Variants in NFIB observed in about 807,000 individuals in gnomAD.
NFIB encodes nuclear factor 1 B-type.
A neutral mutation model predicts 61.5 loss-of-function variants in NFIB; 11 were observed. The observed-to-expected ratio is 0.18, with a 90% CI of 0.11 to 0.30. The LOEUF (loss-of-function observed/expected upper bound fraction) is 0.30. Ranked by LOEUF, NFIB falls within the 10% of genes least tolerant of loss-of-function variation. The pLI, the probability that NFIB is intolerant of heterozygous loss-of-function variation, is 1.00. For synonymous variants in NFIB, 260 were observed against 216.5 expected, an observed-to-expected ratio of 1.20 and a Z score of -1.76; for missense variants, 471 against 608.9, an observed-to-expected ratio of 0.77 and a Z score of 2.38.
intron 2 of NFIB, among the ~76,000 whole-genome samples, chr9:14,248,536 C>G (rs1293013210): frequency 1.3e-5 from 2 of 152,072 alleles, no homozygotes; most frequent in Non-Finnish European, 2.9e-5. Flanking sequence ...CTCCCCAAAT[C>G]CTGGGATTAC....
chr9:14,100,611 G>A (rs1296308951), intron 10 of NFIB, among the ~76,000 whole-genome samples: 2 of 152,212 alleles, frequency 1.3e-5, no homozygotes, highest in African/African-American at 4.8e-5. Context: ...GGAGGGGGCT[G>A]AGGCAGGCAG....
chr9:14,493,826 A>T, the NFIB span, among the ~76,000 whole-genome samples: 1 of 152,222 alleles, frequency 6.6e-6, no homozygotes. Flanking sequence ...CCTTGTAGGT[A>T]AAGGTTGTTT....
chr9:14,292,239 CTCAGT>C (rs1201558857), intron 2 of NFIB, among the ~76,000 whole-genome samples: 1 of 152,108 alleles, frequency 6.6e-6, no homozygotes, highest in Non-Finnish European at 1.5e-5. Context: ...CTCTCTTAGA[CTCAGT>C]ATCCCAAACT....
At chr9:14,495,876 T>C in the NFIB span, among the ~76,000 whole-genome samples, 10 of 152,350 alleles carry the variant, frequency 6.6e-5, no homozygotes, top group African/African-American at 2.4e-4. Flanking sequence ...CCAGAAATTA[T>C]GGTTTAGTGA....
At chr9:14,372,577 T>C (rs902006996) in intron 1 of NFIB, among the ~76,000 whole-genome samples, 1 of 152,208 alleles carries the variant, frequency 6.6e-6, no homozygotes, top group African/African-American at 2.4e-5. Context: ...ATTCTCTAAT[T>C]ACAGTAAGAG....
At chr9:14,322,331 A>ATGTGTG (rs1491120649) in intron 1 of NFIB, 144 of 224,910 alleles carry the variant, frequency 6.4e-4, no homozygotes, top group African/African-American at 3.0e-3. Flanking sequence ...GCGTGTGTGC[A>ATGTGTG]TGTATGTGTG....
At chr9:14,449,652 G>A in the NFIB span, among the ~76,000 whole-genome samples, 8 of 152,230 alleles carry the variant, frequency 5.3e-5, no homozygotes, top group Middle Eastern at 3.4e-3. Flanking sequence ...TTTCTCGACC[G>A]GGTACAGTGG....
intron 1 of NFIB, among the ~76,000 whole-genome samples, chr9:14,389,646 C>G (rs2061596091): frequency 6.6e-6 from 1 of 152,118 alleles, no homozygotes. Context: ...AAAAGTTACT[C>G]TTTCCCTGCC....
the NFIB span, among the ~76,000 whole-genome samples, chr9:14,443,469 A>G: frequency 6.6e-6 from 1 of 151,878 alleles, no homozygotes; most frequent in African/African-American, 2.4e-5. Context: ...CTTCCACATC[A>G]CCTATCTCAG....
intron 10 of NFIB, among the ~76,000 whole-genome samples, chr9:14,106,644 T>C (rs2036601233): frequency 2.0e-5 from 3 of 152,102 alleles, no homozygotes; most frequent in Admixed American, 6.6e-5. Context: ...ACACCTAAGA[T>C]TTGGATCATT....
chr9:14,251,313 T>C (rs1466409916), intron 2 of NFIB, among the ~76,000 whole-genome samples: 2 of 152,204 alleles, frequency 1.3e-5, no homozygotes, highest in Non-Finnish European at 2.9e-5. Context: ...GCTAAAGAGT[T>C]AATCTTTAGC....
chr9:14,113,011 T>G lies in NFIB; in HGVS notation c.1455A>C (p.Leu485=). Residue 485 remains leucine, a synonymous_variant, in exon 10 of 11, where the codon CTA becomes CTC. Coordinates refer to ENST00000380953, the MANE Select transcript of NFIB (RefSeq NM_001190737.2). ...VGLSPRDPSF[L]HQQQSWYLG is the part of the protein sequence containing the mutation. ...GAAACTTGCCCACCTGTTGCTGATG[T>G]AGGAAGGATGGGTCTCTTGGGCTTA... 6.5e-7 allele frequency: 1 copy of G among 1,550,302 alleles called. No individual in the cohort carries two copies. The highest frequency in any genetic ancestry group is 8.7e-7 in the Non-Finnish European group (1 of 1,146,830).
Position 14,145,050 on chromosome 9 carries a change from A to G in NFIB, c.925+1639T>C, listed in dbSNP as rs552032098. Among the ~76,000 whole-genome samples the G allele has an allele frequency of 1.2e-4, 18 of 152,220 alleles. No homozygotes were observed. The East Asian group carries it at 3.1e-3, about 26-fold the overall frequency. The stretch of plus-strand genomic sequence containing the variant: ...ATGCTGTTATTTACATTTTATAAAG[A>G]TGATTTTTACCTACTGCCTGAAAAA... On this transcript the variant is annotated intron_variant, in intron 6 of 10. Coordinates refer to ENST00000380953, the MANE Select transcript of NFIB (RefSeq NM_001190737.2).
intron 3 of NFIB, among the ~76,000 whole-genome samples, chr9:14,170,999 G>A (rs1191381202): frequency 1.3e-5 from 2 of 152,086 alleles, no homozygotes; most frequent in East Asian, 1.9e-4. Flanking sequence ...TTAAAATACC[G>A]TTGTAAAGTT....
intron 1 of NFIB, among the ~76,000 whole-genome samples, chr9:14,323,043 A>G (rs1261148951): frequency 6.6e-6 from 1 of 152,192 alleles, no homozygotes; most frequent in Non-Finnish European, 1.5e-5. Context: ...TTACTTCCTC[A>G]CTTCCCGCCA....
chr9:14,123,364 T>A (rs2039195363), intron 7 of NFIB, among the ~76,000 whole-genome samples: 1 of 152,210 alleles, frequency 6.6e-6, no homozygotes, highest in Admixed American at 6.5e-5. Context: ...CTTGCATACA[T>A]TATTGCAAAG....
intron 2 of NFIB, among the ~76,000 whole-genome samples, chr9:14,238,880 G>C (rs540174242): frequency 6.6e-6 from 1 of 152,066 alleles, no homozygotes; most frequent in African/African-American, 2.4e-5. Context: ...AATGAATGAA[G>C]GAAATTCAGT....
chr9:14,318,424 C>G (rs773433395), upstream of NFIB, among the ~76,000 whole-genome samples: 1 of 151,098 alleles, frequency 6.6e-6, no homozygotes, highest in Non-Finnish European at 1.5e-5. Flanking sequence ...GAAATTGCAG[C>G]GACAGGTTGC....
chr9:14,288,059 GTA>G (rs2058833996), intron 2 of NFIB, among the ~76,000 whole-genome samples: 1 of 152,024 alleles, frequency 6.6e-6, no homozygotes, highest in South Asian at 2.1e-4. Flanking sequence ...TTTAAATACA[GTA>G]TATTTGCAGA....
Sources: allele counts gnomAD v4.1 joint callset (sites outside exome capture counted in the v4.1 genomes callset), GRCh38; gene constraint gnomAD v4.1.1; transcripts MANE v1.5; gene names NCBI Gene and HGNC (gene_info 2026-07-23, HGNC 2026-07-21).